The following GPAT3 variants were observed in gnomAD, a reference collection of about 807,000 sequenced individuals.
GPAT3 encodes the protein 1-AGP acyltransferase 9.
GPAT3 carries 53 observed loss-of-function variants against 58.8 expected under a neutral mutation model. That is an observed-to-expected ratio of 0.90 (90% CI 0.72 to 1.13). The LOEUF is 1.13. Among genes scored for constraint, GPAT3 ranks in the 50% most tolerant of loss-of-function variants. The probability of loss-of-function intolerance (pLI) is 0.00; values close to 1 mark genes in which losing one functional copy is unlikely to be tolerated. For missense variants in GPAT3, 511 were observed against 527.6 expected (o/e 0.97, Z 0.31); for synonymous variants, 197 against 187.4 (o/e 1.05, Z -0.42).
intron 11 of GPAT3, among the ~76,000 whole-genome samples, chr4:83,600,694 T>C (rs6535482): frequency 0.61 from 92,888 of 151,618 alleles, 28,525 homozygotes; most frequent in Middle Eastern, 0.74. Context: ...TTAGTAGAGA[T>C]GGAGTTTCAC....
At chr4:83,583,186 C>T (rs139496703) in intron 3 of GPAT3, among the ~76,000 whole-genome samples, 2,057 of 151,964 alleles carry the variant, frequency 0.014, 52 homozygotes, top group African/African-American at 0.044. Context: ...CTCAGCTACT[C>T]GGGAGGCTGA....
chr4:83,599,997 GTCTC>G (rs1288496111), intron 11 of GPAT3, among the ~76,000 whole-genome samples: 3 of 152,130 alleles, frequency 2.0e-5, no homozygotes, highest in African/African-American at 7.2e-5. Flanking sequence ...TGTGAATGTG[GTCTC>G]TCTCTTTCTC....
At chr4:83,580,552 A>G (rs958374389) in intron 2 of GPAT3, among the ~76,000 whole-genome samples, 2 of 152,172 alleles carry the variant, frequency 1.3e-5, no homozygotes, top group African/African-American at 4.8e-5. Flanking sequence ...TTCATTGCCA[A>G]ACCAACTTTG....
rs142230091 is a variant in GPAT3, at chr4:83,554,741, T to C, written c.208+10139T>C. ...GCTCCTCTGGTCCATACTTTCTGAT[T>C]CTCCTCTTGATGTTTAAGGTGACTC... On this transcript the variant is annotated intron_variant, in intron 2 of 11. Transcript: ENST00000264409. Among the ~76,000 whole-genome samples, 641 of 152,034 alleles carry C rather than the reference T, an allele frequency of 4.2e-3. 4 individuals are homozygous for C. Among genetic ancestry groups the C allele is most frequent in the African/African-American group, 0.015 (617 of 41,476 alleles).
chr4:83,556,082 A>G (rs1420717507), intron 2 of GPAT3, among the ~76,000 whole-genome samples: 1 of 152,252 alleles, frequency 6.6e-6, no homozygotes, highest in African/African-American at 2.4e-5. Flanking sequence ...ACAATCAAAG[A>G]TACCATACAT....
chr4:83,544,987 A>G (rs1236014670), intron 2 of GPAT3, among the ~76,000 whole-genome samples: 1 of 152,214 alleles, frequency 6.6e-6, no homozygotes, highest in Non-Finnish European at 1.5e-5. Flanking sequence ...TTCTCAAAGT[A>G]TGTTCCTCAA....
intron 2 of GPAT3, among the ~76,000 whole-genome samples, chr4:83,564,685 C>A (rs13151048): frequency 0.24 from 36,815 of 151,344 alleles, 5,638 homozygotes; most frequent in East Asian, 0.39. Context: ...GGCAACAGAG[C>A]AAGACTCTGT....
intron 2 of GPAT3, among the ~76,000 whole-genome samples, chr4:83,581,333 C>T (rs1305134603): frequency 2.6e-5 from 4 of 151,932 alleles, no homozygotes; most frequent in Admixed American, 1.3e-4. Flanking sequence ...AAAAACCCCT[C>T]TTTATAATTA....
intron 2 of GPAT3, among the ~76,000 whole-genome samples, chr4:83,558,207 C>T (rs1725007503): frequency 6.6e-6 from 1 of 150,884 alleles, no homozygotes; most frequent in African/African-American, 2.4e-5. Flanking sequence ...CAGCAAGCCT[C>T]TGTCTTAAAA....
At chr4:83,562,490 G>T (rs896573344) in intron 2 of GPAT3, among the ~76,000 whole-genome samples, 6 of 151,532 alleles carry the variant, frequency 4.0e-5, no homozygotes, top group Non-Finnish European at 7.4e-5. Flanking sequence ...TAGACAGGAG[G>T]CCATTCTGGA....
intron 6 of GPAT3, among the ~76,000 whole-genome samples, chr4:83,594,478 A>T (rs571346968): frequency 1.3e-5 from 2 of 152,234 alleles, no homozygotes; most frequent in Non-Finnish European, 2.9e-5. Flanking sequence ...TTTGAAAGTT[A>T]TCCATAGACT....
At chr4:83,544,653 G>T in intron 2 of GPAT3, 51 bp downstream of exon 2, 2 of 1,535,796 alleles carry the variant, frequency 1.3e-6, no homozygotes, top group Non-Finnish European at 1.8e-6. Context: ...TTGGGTGGAT[G>T]TAAACCTACC....
chr4:83,547,147 G>A (rs1724551526), intron 2 of GPAT3, among the ~76,000 whole-genome samples: 1 of 151,722 alleles, frequency 6.6e-6, no homozygotes, highest in Non-Finnish European at 1.5e-5. Flanking sequence ...GTACAATTTT[G>A]AGGTGTGTCT....
In GPAT3 at chr4:83,588,300, G is replaced by C; in HGVS notation, c.644+1G>C. The C allele has an allele frequency of 2.0e-6, 3 of 1,506,006 alleles. No individual in the cohort carries two copies. The highest frequency in any genetic ancestry group is 2.6e-6 in the Non-Finnish European group (3 of 1,135,626). 93.3% of individuals were successfully genotyped at this position (1,506,006 alleles called of 1,614,324 possible). A position where few individuals can be genotyped will look rare whatever the true frequency, so the allele number is the denominator to read the frequency against. On this transcript the variant is annotated splice_donor_variant, in intron 5 of 11. Coordinates refer to ENST00000264409, the MANE Select transcript of GPAT3 (RefSeq NM_032717.5). LOFTEE classifies it high-confidence loss of function. ...CTGGTACCATTCATTATCATAACAAGTGAGTATCTGCTCCAATGTGCCTGT... is the reference window on the plus strand; with the variant it reads ...CTGGTACCATTCATTATCATAACAACTGAGTATCTGCTCCAATGTGCCTGT...
In GPAT3 at chr4:83,536,771, C is replaced by A. The variant is rs1281159936; in HGVS notation, c.141+8C>A. On this transcript the variant is annotated splice_region_variant and intron_variant, in intron 1 of 11. Transcript: ENST00000264409. ...CTAGTGAAAACTTTAGAGGTGAGTG[C>A]CGGGAGGGATGCAGCCAGCCCCACA... The A allele has an allele frequency of 6.2e-7, 1 of 1,603,308 alleles. No individual in the cohort carries two copies. The highest frequency in any genetic ancestry group is 1.3e-5 in the African/African-American group (1 of 74,860).
chr4:83,577,999 C>A (rs971322628), intron 2 of GPAT3, among the ~76,000 whole-genome samples: 1 of 151,870 alleles, frequency 6.6e-6, no homozygotes, highest in African/African-American at 2.4e-5. Context: ...CGGGGTTTCA[C>A]CATGTTGGCC....
chr4:83,579,070 CTTT>C (rs1560621309), intron 2 of GPAT3, among the ~76,000 whole-genome samples: 772 of 35,398 alleles, frequency 0.022, 77 homozygotes, highest in Non-Finnish European at 0.028. Flanking sequence ...TTCTTTCTTT[CTTT>C]CTTTCTTCCC....
intron 4 of GPAT3, among the ~76,000 whole-genome samples, 193 bp from the exon 5 acceptor site, chr4:83,588,015 TAG>T (rs995754071): frequency 8.5e-5 from 13 of 152,192 alleles, no homozygotes; most frequent in Non-Finnish European, 1.5e-4. Context: ...GTTTTTTTGG[TAG>T]ACTTTTGTGA....
At chr4:83,577,035 A>G (rs1725846296) in intron 2 of GPAT3, among the ~76,000 whole-genome samples, 1 of 152,230 alleles carries the variant, frequency 6.6e-6, no homozygotes, top group Admixed American at 6.5e-5. Flanking sequence ...ACCAGTCATG[A>G]CAACTGTCTC....
Sources: gnomAD v4.1 joint callset for allele counts (sites outside exome capture counted in the v4.1 genomes callset) on GRCh38, gnomAD v4.1.1 for gene constraint, MANE v1.5 for transcripts, NCBI Gene and HGNC (gene_info 2026-07-23, HGNC 2026-07-21) for gene names.